The following FBXL17 variants were observed in gnomAD, a reference collection of about 807,000 sequenced individuals.
FBXL17 encodes F-box/LRR-repeat protein 17.
In FBXL17, 22 loss-of-function variants were observed where a neutral mutation model predicts 66.2. The observed-to-expected ratio is 0.33, with a 90% CI of 0.24 to 0.47. The LOEUF (loss-of-function observed/expected upper bound fraction) is 0.47, where lower values mean the gene tolerates loss of function less well. FBXL17 is among the 20% of genes least tolerant of loss of function. The pLI is 1.00. For missense variants in FBXL17, 878 were observed against 948.2 expected (o/e 0.93, Z 0.97); for synonymous variants, 474 against 400.5 (o/e 1.18, Z -2.19).
chr5:108,298,662 T>C (rs981390235), intron 4 of FBXL17: 11 of 860,718 alleles, frequency 1.3e-5, no homozygotes, highest in South Asian at 1.1e-4. Context: ...TCCTTTGATA[T>C]AGTAATATAC....
At chr5:108,255,781 TTGAGGAAATTAGG>T (rs1756551062) in intron 4 of FBXL17, among the ~76,000 whole-genome samples, 1 of 152,140 alleles carries the variant, frequency 6.6e-6, no homozygotes, top group African/African-American at 2.4e-5. Context: ...AAAACATTTG[TTGAGGAAATTAGG>T]GGAGGAAATT....
At chr5:108,264,012 G>A (rs1026596740) in intron 4 of FBXL17, among the ~76,000 whole-genome samples, 1 of 151,706 alleles carries the variant, frequency 6.6e-6, no homozygotes, top group Non-Finnish European at 1.5e-5. Flanking sequence ...TCAGGAGTTC[G>A]AGACCAACCT....
At chr5:107,971,431 T>C (rs992822593) in intron 7 of FBXL17, among the ~76,000 whole-genome samples, 3 of 152,182 alleles carry the variant, frequency 2.0e-5, no homozygotes, top group African/African-American at 7.2e-5. Context: ...ATATATGTAG[T>C]TCTGTGGTAT....
chr5:108,189,359 A>G (rs1753372868), intron 5 of FBXL17, among the ~76,000 whole-genome samples: 1 of 97,396 alleles, frequency 1.0e-5, no homozygotes, highest in South Asian at 6.0e-4. Flanking sequence ...CAATAAAATG[A>G]AAGAGACAAT....
intron 4 of FBXL17, among the ~76,000 whole-genome samples, chr5:108,259,219 T>C (rs749915950): frequency 3.9e-5 from 6 of 152,154 alleles, no homozygotes; most frequent in Non-Finnish European, 1.5e-5. Flanking sequence ...ACAAAGAAAC[T>C]ATGTTGGTTA....
At chr5:107,957,385 C>G (rs1350477521) in intron 7 of FBXL17, among the ~76,000 whole-genome samples, 1 of 151,670 alleles carries the variant, frequency 6.6e-6, no homozygotes, top group African/African-American at 2.4e-5. Context: ...GATTTTTTCC[C>G]ATTGGTTAGA....
intron 6 of FBXL17, among the ~76,000 whole-genome samples, chr5:108,047,810 T>G (rs769943324): frequency 6.6e-6 from 1 of 152,094 alleles, no homozygotes. Flanking sequence ...CCTGAGCCCC[T>G]AGGAGGAGGG....
At position 108,381,225 on chromosome 5, in the gene FBXL17, C is replaced by T; in HGVS notation, c.467G>A (p.Gly156Asp). The stretch of plus-strand genomic sequence containing the variant: ...CAAGCTGGCCAGGAAGAGACTTCGG[C>T]CCTGCTGCTCCCAGGCGGCGGCCGC... Reference protein sequence around the residue: ...LAAAAAWEQQGRSLFLASLGP... With the variant: ...LAAAAAWEQQDRSLFLASLGP... The change falls in exon 1 of 9, where the codon GGC (glycine) becomes GAC (aspartate). Residue 156 changes from glycine to aspartate, a missense_variant. This residue lies in a region of FBXL17 where 605 missense variants were observed against 509.5 expected (regional missense o/e 1.19). Coordinates refer to ENST00000542267, the MANE Select transcript of FBXL17 (RefSeq NM_001163315.3). 4.2e-6 allele frequency: 6 copies of T among 1,445,372 alleles called. No homozygotes were observed. The highest frequency in any genetic ancestry group is 5.4e-6 in the Non-Finnish European group (6 of 1,101,026). 89.5% of individuals were successfully genotyped at this position (1,445,372 alleles called of 1,614,324 possible). A position where few individuals can be genotyped will look rare whatever the true frequency, so the allele number is the denominator to read the frequency against.
intron 4 of FBXL17, among the ~76,000 whole-genome samples, chr5:108,332,659 G>T (rs942512863): frequency 1.3e-5 from 2 of 152,124 alleles, no homozygotes; most frequent in African/African-American, 4.8e-5. Flanking sequence ...CCAGGCTGGA[G>T]TGCAGCGGCT....
chr5:107,963,343 A>G (rs1751991250), intron 7 of FBXL17, among the ~76,000 whole-genome samples: 2 of 152,104 alleles, frequency 1.3e-5, no homozygotes, highest in Non-Finnish European at 2.9e-5. Flanking sequence ...GAAATTAAAC[A>G]AAACTCTGTG....
At chr5:108,365,643 C>T (rs1273243367) in intron 2 of FBXL17, among the ~76,000 whole-genome samples, 2 of 152,074 alleles carry the variant, frequency 1.3e-5, no homozygotes, top group African/African-American at 4.8e-5. Flanking sequence ...ATTAAGGGAA[C>T]TCACAAGTTT....
intron 7 of FBXL17, among the ~76,000 whole-genome samples, chr5:107,955,908 T>C (rs1199514805): frequency 6.6e-6 from 1 of 152,096 alleles, no homozygotes; most frequent in East Asian, 1.9e-4. Flanking sequence ...TAAATTCTGA[T>C]CCCATGAAAA....
At chr5:108,045,974 T>C (rs920272630) in intron 6 of FBXL17, among the ~76,000 whole-genome samples, 2 of 152,232 alleles carry the variant, frequency 1.3e-5, no homozygotes, top group African/African-American at 4.8e-5. Flanking sequence ...ATTAAATCTG[T>C]TGGTTGATAG....
intron 7 of FBXL17, among the ~76,000 whole-genome samples, chr5:107,921,377 T>C (rs1203097715): frequency 6.6e-6 from 1 of 152,186 alleles, no homozygotes; most frequent in Non-Finnish European, 1.5e-5. Context: ...ATACATTCCA[T>C]ATATTTGCAT....
chr5:108,144,622 T>A (rs1751487278), intron 6 of FBXL17, among the ~76,000 whole-genome samples: 1 of 152,208 alleles, frequency 6.6e-6, no homozygotes, highest in African/African-American at 2.4e-5. Context: ...CAAAAAACTG[T>A]ACCTAGTAAT....
intron 4 of FBXL17, among the ~76,000 whole-genome samples, chr5:108,294,500 A>G (rs1758265113): frequency 6.6e-6 from 1 of 151,984 alleles, no homozygotes; most frequent in South Asian, 2.1e-4. Context: ...TATTTTTATG[A>G]ATTTTTGAGG....
chr5:108,354,393 G>A (rs1447676475), intron 3 of FBXL17, among the ~76,000 whole-genome samples: 3 of 151,816 alleles, frequency 2.0e-5, no homozygotes, highest in African/African-American at 7.3e-5. Context: ...CATGGTTAAG[G>A]AAAAAGTCTG....
chr5:108,328,656 GT>G (rs1448666898), intron 4 of FBXL17, among the ~76,000 whole-genome samples: 2 of 151,818 alleles, frequency 1.3e-5, no homozygotes, highest in Non-Finnish European at 2.9e-5. Flanking sequence ...GAGGCTTTCA[GT>G]TTTTATTTTC....
chr5:108,277,419 G>C (rs1056151660), intron 4 of FBXL17, among the ~76,000 whole-genome samples: 3 of 151,984 alleles, frequency 2.0e-5, no homozygotes, highest in Non-Finnish European at 4.4e-5. Context: ...TCCTTTTCAA[G>C]AAACTACTGA....
Sources: gnomAD v4.1 joint callset for allele counts (sites outside exome capture counted in the v4.1 genomes callset) on GRCh38, gnomAD v4.1.1 for gene constraint, gnomAD v4.1.1 regional missense constraint, MANE v1.5 for transcripts, NCBI Gene and HGNC (gene_info 2026-07-23, HGNC 2026-07-21) for gene names.